The following MAP7D3 variants were observed in gnomAD, a reference collection of about 807,000 sequenced individuals.
MAP7D3 encodes MAP7 domain containing 3.
In MAP7D3, 45 loss-of-function variants were observed where a neutral mutation model predicts 62.2. The ratio of observed to expected loss-of-function variants is 0.72; its 90% CI spans 0.57 to 0.93. MAP7D3 has a LOEUF of 0.93. Ranked by LOEUF, MAP7D3 falls within the 40% of genes least tolerant of loss-of-function variation. The pLI, the probability that MAP7D3 is intolerant of heterozygous loss-of-function variation, is 0.00. For synonymous variants in MAP7D3, 288 were observed against 248.8 expected, an observed-to-expected ratio of 1.16 and a Z score of -1.48; for missense variants, 711 against 683.1, an observed-to-expected ratio of 1.04 and a Z score of -0.45.
In MAP7D3 at chrX:136,219,589, T is replaced by A; in HGVS notation, c.2565+4A>T. 8.4e-7 allele frequency: 1 copy of A among 1,196,506 alleles called. No individual in the cohort carries two copies. On this transcript the variant is annotated splice_donor_region_variant and intron_variant, in intron 17 of 18. Coordinates refer to ENST00000316077, the MANE Select transcript of MAP7D3 (RefSeq NM_024597.4). ...ATACGCTGCTGCTCATAATTCATAC[T>A]AACAGAGGATCTGCTGGTGGTGTTG... is the stretch of plus-strand genomic sequence containing the variant.
Position 136,222,388 on chromosome X carries a change from C to T in MAP7D3, c.2287+5G>A. On this transcript the variant is annotated splice_donor_5th_base_variant and intron_variant, in intron 15 of 18. Coordinates refer to ENST00000316077, the MANE Select transcript of MAP7D3 (RefSeq NM_024597.4). ...AAGCAGTCTAGCTCCTAAATGGTGA[C>T]TAACCTGATGGAAACATTTCATTCA... is the stretch of plus-strand genomic sequence containing the variant. 1 of 1,200,306 alleles carries T rather than the reference C, an allele frequency of 8.3e-7. No homozygotes were observed. Among genetic ancestry groups the T allele is most frequent in the Non-Finnish European group, 1.1e-6 (1 of 885,340 alleles).
At chrX:136,254,635 G>A (rs1225411480), upstream of MAP7D3, among the ~76,000 whole-genome samples, 2 of 110,744 alleles carry the variant, frequency 1.8e-5, no homozygotes, top group African/African-American at 6.6e-5. Flanking sequence ...AAGGGCTAAG[G>A]GATGAGAAAT....
intron 11 of MAP7D3, 106 bp downstream of exon 11, chrX:136,228,517 G>GAATT: frequency 1.2e-6 from 1 of 825,533 alleles, no homozygotes; most frequent in Non-Finnish European, 1.7e-6. Context: ...ACTGAAGAAA[G>GAATT]TCAATTGTTC....
chrX:136,233,479 G>A (rs2074294793), intron 7 of MAP7D3, among the ~76,000 whole-genome samples: 2 of 107,307 alleles, frequency 1.9e-5, no homozygotes, highest in South Asian at 8.3e-4. Context: ...TCACCATGTT[G>A]GCCAGTCTGG....
At chrX:136,256,265 C>T (rs1461060906), upstream of MAP7D3, 7 of 1,151,889 alleles carry the variant, frequency 6.1e-6, no homozygotes, top group Non-Finnish European at 8.0e-6. Context: ...TTCCTTTTCC[C>T]ACATCTGCGC....
At chrX:136,228,929 ACCC>A (rs2074230422) in intron 10 of MAP7D3, 171 bp from the exon 11 acceptor site, 1 of 298,872 alleles carries the variant, frequency 3.3e-6, no homozygotes, top group Non-Finnish European at 5.7e-6. Context: ...TTCAAACTGC[ACCC>A]CCAACAACAG....
rs1354876004 is a variant in MAP7D3 at position 136,217,641 on chromosome X, T to A, written c.*885A>T. On this transcript the variant is annotated 3_prime_UTR_variant, in exon 19 of 19. Coordinates refer to ENST00000316077, the MANE Select transcript of MAP7D3 (RefSeq NM_024597.4). The stretch of plus-strand genomic sequence containing the variant: ...GATTTTGCAACCTTTGGTATTTTTA[T>A]ATTAGAAACAATCTGACAGCTCTTG... The A allele has an allele frequency of 8.9e-6, 1 of 111,961 alleles. No individual in the cohort carries two copies. Among genetic ancestry groups the A allele is most frequent in the East Asian group, 2.8e-4 (1 of 3,594 alleles). The allele number at this position is 111,961 out of a possible 1,213,427, so 9.2% of individuals were successfully genotyped here. A position where few individuals can be genotyped will look rare whatever the true frequency, so the allele number is the denominator to read the frequency against.
intron 7 of MAP7D3, among the ~76,000 whole-genome samples, chrX:136,234,768 TCTG>T (rs2074310622): frequency 8.9e-6 from 1 of 112,010 alleles, no homozygotes; most frequent in African/African-American, 3.2e-5. Context: ...AAGCAGCACT[TCTG>T]CTTCTGGCTA....
intron 4 of MAP7D3, among the ~76,000 whole-genome samples, chrX:136,243,896 TACC>T (rs2074417747): frequency 9.0e-6 from 1 of 110,775 alleles, no homozygotes; most frequent in African/African-American, 3.3e-5. Context: ...AGATGCCCAG[TACC>T]ACAAAAGACA....
chrX:136,216,443 GA>G (rs1166756693), downstream of MAP7D3, among the ~76,000 whole-genome samples: 41 of 90,948 alleles, frequency 4.5e-4, no homozygotes, highest in East Asian at 7.1e-4. Flanking sequence ...AAGACGAAGA[GA>G]AAAAAAAAAA....
chrX:136,234,752 A>T (rs2074310462), intron 7 of MAP7D3, among the ~76,000 whole-genome samples: 1 of 112,025 alleles, frequency 8.9e-6, no homozygotes, highest in South Asian at 3.7e-4. Context: ...CCAGGGCTGG[A>T]TAATGAAGCA....
Position 136,230,572 on chromosome X carries a change from G to A in MAP7D3, c.1563C>T (p.Cys521=), listed in dbSNP as rs767250486. 6 of 1,192,265 alleles carry A rather than the reference G, an allele frequency of 5.0e-6. No homozygotes were observed. The South Asian group carries it at 1.1e-4, about 22-fold the overall frequency. The part of the protein sequence containing the change: ...ISTNRQIQKN[C]PPSPLPLISK... ...AAATAAGTGGTAATGGTGATGGAGG[G>A]CAGTTCTTTTGGATTTGCCTGCTGA... is the stretch of plus-strand genomic sequence containing the variant. The change falls in exon 10 of 19, where the codon TGC becomes TGT. Residue 521 remains cysteine (C), a synonymous_variant. Coordinates refer to ENST00000316077, the MANE Select transcript of MAP7D3 (RefSeq NM_024597.4).
chrX:136,237,980 G>GT (rs1482063370), intron 6 of MAP7D3, among the ~76,000 whole-genome samples: 1 of 109,593 alleles, frequency 9.1e-6, no homozygotes, highest in Non-Finnish European at 1.9e-5. Context: ...GCATTGTTTG[G>GT]TTTTTTGTCC....
intron 15 of MAP7D3, among the ~76,000 whole-genome samples, chrX:136,221,356 C>T (rs749224281): frequency 8.9e-6 from 1 of 111,833 alleles, no homozygotes; most frequent in Non-Finnish European, 1.9e-5. Flanking sequence ...ACGGGAATCT[C>T]GCTCTGTTGC....
At chrX:136,216,359 T>TAAA (rs58245551), downstream of MAP7D3, among the ~76,000 whole-genome samples, 14 of 25,457 alleles carry the variant, frequency 5.5e-4, no homozygotes, top group East Asian at 1.6e-3. Context: ...ACCCTATCTC[T>TAAA]AAAAAAAAAA....
chrX:136,223,071 G>C (rs1173990553), intron 14 of MAP7D3, among the ~76,000 whole-genome samples: 3 of 110,966 alleles, frequency 2.7e-5, no homozygotes, highest in Non-Finnish European at 5.7e-5. Flanking sequence ...TGAGCTCCTG[G>C]GCTCAAGAGA....
intron 1 of MAP7D3, among the ~76,000 whole-genome samples, chrX:136,250,159 A>C (rs1451117488): frequency 8.9e-6 from 1 of 112,122 alleles, no homozygotes; most frequent in Non-Finnish European, 1.9e-5. Context: ...ATGAATGGTG[A>C]AAGTGTATGT....
intron 4 of MAP7D3, among the ~76,000 whole-genome samples, chrX:136,242,692 T>G (rs2074402897): frequency 9.0e-6 from 1 of 111,656 alleles, no homozygotes; most frequent in African/African-American, 3.3e-5. Flanking sequence ...AAGATAGTCT[T>G]TATTTTTTGG....
At position 136,244,754 on chromosome X, in the gene MAP7D3, T is replaced by C. The variant is rs752768854; in HGVS notation, c.295A>G (p.Lys99Glu). The change falls in exon 4 of 19, where the codon AAG becomes GAG. Residue 99 changes from lysine (K) to glutamate (E), a missense_variant. Transcript: ENST00000316077. ...TCCATCTGTTTTTCATATTGGAGCT[T>C]GGTCTTTCTTTCTTTTTCAAGTAGT... ...TQLLEKERKTKLQYEKQMEER... is the reference protein window; with the variant it reads ...TQLLEKERKTELQYEKQMEER... The C allele has an allele frequency of 1.7e-6, 2 of 1,198,869 alleles. No homozygotes were observed. The highest frequency in any genetic ancestry group is 1.7e-5 in the African/African-American group (1 of 57,305).
Sources: allele counts gnomAD v4.1 joint callset (sites outside exome capture counted in the v4.1 genomes callset), GRCh38; gene constraint gnomAD v4.1.1; transcripts MANE v1.5; gene names NCBI Gene and HGNC (gene_info 2026-07-23, HGNC 2026-07-21).